The following ASIC4 variants were observed in gnomAD, a reference collection of about 807,000 sequenced individuals.
The protein encoded by ASIC4 is acid-sensing ion channel 4.
Under a neutral mutation model 53.4 loss-of-function variants are expected in ASIC4, and 28 were observed. That is an observed-to-expected ratio of 0.52 (90% CI 0.39 to 0.72). The LOEUF (loss-of-function observed/expected upper bound fraction) is 0.72. Ranked by LOEUF, ASIC4 falls within the 30% of genes least tolerant of loss-of-function variation. The pLI, the probability that ASIC4 is intolerant of heterozygous loss-of-function variation, is 0.00. For synonymous variants in ASIC4, 289 were observed against 301.4 expected (o/e 0.96, Z 0.43); for missense variants, 649 against 729.7 (o/e 0.89, Z 1.27).
At chr2:219,525,900 A>G (rs946087840) in intron 1 of ASIC4, among the ~76,000 whole-genome samples, 2 of 152,216 alleles carry the variant, frequency 1.3e-5, no homozygotes, top group Non-Finnish European at 2.9e-5. Context: ...GGGAAGGGAT[A>G]CCATGGAAGA....
upstream of ASIC4, among the ~76,000 whole-genome samples, chr2:219,511,940 T>G (rs924653832): frequency 2.8e-5 from 4 of 143,636 alleles, no homozygotes; most frequent in Admixed American, 6.9e-5. This position sits in a 1 kb window ranked among gnomAD's most constrained non-coding sequence, Gnocchi z 5.3. Flanking sequence ...GCAAAGGGGG[T>G]ATAGAGAGAC....
chr2:219,533,104 G>A (rs557442805), intron 5 of ASIC4, 165 bp downstream of exon 5: 18 of 737,948 alleles, frequency 2.4e-5, no homozygotes, highest in Non-Finnish European at 3.6e-5. Context: ...AGAGGTCTGC[G>A]GACCTCTGCA....
intron 1 of ASIC4, among the ~76,000 whole-genome samples, chr2:219,526,628 CTG>C (rs1257073709): frequency 1.3e-5 from 2 of 151,908 alleles, no homozygotes; most frequent in Admixed American, 6.6e-5. Context: ...GAGAGACAGA[CTG>C]AGATCAGGAA....
At chr2:219,533,155 G>A (rs1695072252) in intron 5 of ASIC4, 1 of 604,402 alleles carries the variant, frequency 1.7e-6, no homozygotes, top group Non-Finnish European at 3.0e-6. Context: ...AGGGTGGGGG[G>A]TTGCAGAGAA....
In ASIC4 at chr2:219,537,972, G is replaced by A. The variant is rs1695175127; in HGVS notation, c.1546G>A (p.Val516Ile). 6 of 1,612,652 alleles carry A rather than the reference G, an allele frequency of 3.7e-6. No individual in the cohort carries two copies. Among genetic ancestry groups the A allele is most frequent in the Non-Finnish European group, 3.4e-6 (4 of 1,179,522 alleles). ...CCGGGGCCGAGTGGAGGGTGGGGGGGTCAGCAGTCTGCTCCCCAATCACCA... is the reference window on the plus strand; with the variant it reads ...CCGGGGCCGAGTGGAGGGTGGGGGGATCAGCAGTCTGCTCCCCAATCACCA... ...PSRGRVEGGG[V>I]SSLLPNHHHP... The change falls in exon 10 of 10, where the codon GTC (valine) becomes ATC (isoleucine). Residue 516 changes from valine (V) to isoleucine (I), a missense_variant. By Grantham distance (29) the Val-to-Ile change is conservative. Transcript: ENST00000358078. The surrounding 1 kb of genome is among the most constrained non-coding windows in gnomAD (Gnocchi z 4.9).
intron 5 of ASIC4, among the ~76,000 whole-genome samples, chr2:219,534,884 G>T (rs1004821014): frequency 2.0e-5 from 3 of 152,094 alleles, no homozygotes; most frequent in African/African-American, 7.2e-5. Context: ...AGCTCTGGTG[G>T]ATGGGCTGTG....
upstream of ASIC4, among the ~76,000 whole-genome samples, chr2:219,509,781 C>T (rs902882858): frequency 6.6e-6 from 1 of 152,126 alleles, no homozygotes; most frequent in Non-Finnish European, 1.5e-5. This position sits in a 1 kb window ranked among gnomAD's most constrained non-coding sequence, Gnocchi z 5.2. Flanking sequence ...TTGATCTTTG[C>T]CACAGCCTGG....
In ASIC4 at chr2:219,536,967, G is replaced by A. The variant is rs1574496467; in HGVS notation, c.1230-99G>A. 9.4e-7 allele frequency: 1 copy of A among 1,058,960 alleles called. No homozygotes were observed. Among genetic ancestry groups the A allele is most frequent in the East Asian group, 2.4e-5 (1 of 41,782 alleles). 65.6% of individuals were successfully genotyped at this position (1,058,960 alleles called of 1,614,324 possible). A position where few individuals can be genotyped will look rare whatever the true frequency, so the allele number is the denominator to read the frequency against. ...GGGGGGTAGTCACTGACTTCCCCAT[G>A]TAGTGATCTCTGATCAGGATCTGCT... On this transcript the variant is annotated intron_variant, in intron 6 of 9. Coordinates refer to ENST00000358078, the MANE Select transcript of ASIC4 (RefSeq NM_018674.6). The surrounding 1 kb of genome is among the most constrained non-coding windows in gnomAD (Gnocchi z 4.6).
At chr2:219,523,013 A>C (rs1260097801) in intron 1 of ASIC4, among the ~76,000 whole-genome samples, 3 of 151,848 alleles carry the variant, frequency 2.0e-5, no homozygotes, top group Non-Finnish European at 4.4e-5. Context: ...CTGGGCGGCC[A>C]GGCTGTGTGT....
chr2:219,511,484 G>A (rs1205629518), upstream of ASIC4, among the ~76,000 whole-genome samples: 9 of 151,968 alleles, frequency 5.9e-5, no homozygotes, highest in Admixed American at 2.0e-4. This position sits in a 1 kb window ranked among gnomAD's most constrained non-coding sequence, Gnocchi z 5.3. Flanking sequence ...CCTGGGGGGC[G>A]GAGGCAGGTG....
In ASIC4 at chr2:219,538,129, C is replaced by G. The variant is rs1365748852; in HGVS notation, c.*83C>G. On this transcript the variant is annotated 3_prime_UTR_variant, in exon 10 of 10. Coordinates refer to ENST00000358078, the MANE Select transcript of ASIC4 (RefSeq NM_018674.6). ...ACATTCTCCTGCTCCTGGGAGAGGC[C>G]TGGGGGCGGTGCTCACTGGGAGGGC... 8.2e-7 allele frequency: 1 copy of G among 1,219,254 alleles called. No individual in the cohort carries two copies. Among genetic ancestry groups the G allele is most frequent in the African/African-American group, 1.5e-5 (1 of 66,608 alleles). The allele number at this position is 1,219,254 out of a possible 1,614,324, so 75.5% of individuals were successfully genotyped here. A position where few individuals can be genotyped will look rare whatever the true frequency, so the allele number is the denominator to read the frequency against.
chr2:219,507,676 G>GC, the ASIC4 span, among the ~76,000 whole-genome samples: 2 of 152,092 alleles, frequency 1.3e-5, no homozygotes, highest in Admixed American at 1.3e-4. Context: ...CCCTCTTGGT[G>GC]CCCCCCTTCC....
At chr2:219,507,199 TC>T in the ASIC4 span, among the ~76,000 whole-genome samples, 1 of 151,760 alleles carries the variant, frequency 6.6e-6, no homozygotes, top group Non-Finnish European at 1.5e-5. Context: ...GCCAGCCTGG[TC>T]CCCCCCTTCA....
Position 219,533,042 on chromosome 2 carries a change from G to A in ASIC4, c.1075+103G>A, listed in dbSNP as rs752575620. On this transcript the variant is annotated intron_variant, in intron 5 of 9. Coordinates refer to ENST00000358078, the MANE Select transcript of ASIC4 (RefSeq NM_018674.6). The stretch of plus-strand genomic sequence containing the variant: ...ATCCTCCCCTCCCAATCTCTTCCTG[G>A]AGGGTTCTTCCTGGGGGTTGAGCCT... 5.5e-5 allele frequency: 73 copies of A among 1,315,564 alleles called. 1 individual carries two copies. The South Asian group carries it at 8.4e-4, about 15-fold the overall frequency. The allele number at this position is 1,315,564 out of a possible 1,614,324, so 81.5% of individuals were successfully genotyped here. A position where few individuals can be genotyped will look rare whatever the true frequency, so the allele number is the denominator to read the frequency against.
At chr2:219,510,695 A>T (rs1308796875), upstream of ASIC4, among the ~76,000 whole-genome samples, 5 of 152,084 alleles carry the variant, frequency 3.3e-5, no homozygotes, top group Non-Finnish European at 4.4e-5. This position sits in a 1 kb window ranked among gnomAD's most constrained non-coding sequence, Gnocchi z 5.2. Context: ...AAGTGTTGGT[A>T]TGAAACTCGG....
In ASIC4 at chr2:219,532,943, C is replaced by G. The variant is rs370971121; in HGVS notation, c.1075+4C>G. 4 of 1,613,866 alleles carry G rather than the reference C, an allele frequency of 2.5e-6. No homozygotes were observed. The highest frequency in any genetic ancestry group is 1.6e-4 in the Middle Eastern group (1 of 6,062). ...GAGTGTGCAGACCACACACTGGGTC[C>G]GTGCTGCCTACCCTTTCCTACCTCT... On this transcript the variant is annotated splice_donor_region_variant and intron_variant, in intron 5 of 9. Transcript: ENST00000358078.
chr2:219,521,961 C>G (rs999689620), intron 1 of ASIC4, among the ~76,000 whole-genome samples: 16 of 152,174 alleles, frequency 1.1e-4, no homozygotes, highest in African/African-American at 3.9e-4. Context: ...AGGAGGAGGA[C>G]AGAGGGGCAG....
At chr2:219,511,401 C>T (rs907460976), upstream of ASIC4, among the ~76,000 whole-genome samples, 1 of 151,430 alleles carries the variant, frequency 6.6e-6, no homozygotes, top group Non-Finnish European at 1.5e-5. This position sits in a 1 kb window ranked among gnomAD's most constrained non-coding sequence, Gnocchi z 5.3. Context: ...TGCCCCCCCC[C>T]CACATTCTGC....
At chr2:219,533,849 A>G (rs1159910706) in intron 5 of ASIC4, 1 of 152,298 alleles carries the variant, frequency 6.6e-6, no homozygotes, top group Non-Finnish European at 1.5e-5. Flanking sequence ...CCTGGGCAAC[A>G]TGGTGAGACC....
Sources: gnomAD v4.1 joint callset for allele counts (sites outside exome capture counted in the v4.1 genomes callset) on GRCh38, gnomAD v4.1.1 for gene constraint, Gnocchi (gnomAD v3.1) non-coding constraint, MANE v1.5 for transcripts, NCBI Gene and HGNC (gene_info 2026-07-23, HGNC 2026-07-21) for gene names.